Variants in ALKBH8 observed in about 807,000 individuals in gnomAD.
The protein encoded by ALKBH8 is tRNA (carboxymethyluridine(34)-5-O)-methyltransferase ALKBH8.
A neutral mutation model predicts 59.8 loss-of-function variants in ALKBH8; 36 were observed. That is an observed-to-expected ratio of 0.60 (90% CI 0.46 to 0.79). The LOEUF (loss-of-function observed/expected upper bound fraction) is 0.79, where lower values mean the gene tolerates loss of function less well. Among genes scored for constraint, ALKBH8 ranks in the 30% least tolerant of loss-of-function variants. The probability of loss-of-function intolerance (pLI) is 0.00; values close to 1 mark genes in which losing one functional copy is unlikely to be tolerated. For synonymous variants in ALKBH8, 276 were observed against 273.6 expected, an observed-to-expected ratio of 1.01 and a Z score of -0.09; for missense variants, 768 against 801.0, an observed-to-expected ratio of 0.96 and a Z score of 0.50.
intron 7 of ALKBH8, among the ~76,000 whole-genome samples, chr11:107,534,779 T>A (rs12291437): frequency 0.01 from 1,565 of 150,492 alleles, 25 homozygotes; most frequent in African/African-American, 0.034. Flanking sequence ...TCTCAATAGG[T>A]TTTTGGGGAA....
At chr11:107,520,302 G>A (rs1591264232) in intron 10 of ALKBH8, among the ~76,000 whole-genome samples, 3 of 152,182 alleles carry the variant, frequency 2.0e-5, no homozygotes, top group East Asian at 3.9e-4. Flanking sequence ...TGTACGGACT[G>A]CTGCTGATAA....
chr11:107,552,477 T>C (rs958248378), intron 5 of ALKBH8, among the ~76,000 whole-genome samples: 7 of 152,042 alleles, frequency 4.6e-5, no homozygotes, highest in Non-Finnish European at 1.0e-4. Context: ...AATTAGACAC[T>C]TCATTGGGAA....
At chr11:107,542,299 C>G (rs659571) in intron 7 of ALKBH8, among the ~76,000 whole-genome samples, 6 of 152,122 alleles carry the variant, frequency 3.9e-5, no homozygotes, top group Non-Finnish European at 5.9e-5. Context: ...AAGATAAAAG[C>G]AAAAAATCTT....
Position 107,565,592 on chromosome 11 carries a change from GCCACACA to G in ALKBH8, c.-7+2_-7+8del. Reference sequence around the variant, plus strand: ...GCCCGTATGCCCGCCAGTAAGAAGTGCCACACACCTCCGCTTCGGCTCAGGCCGGATT... The same window carrying G: ...GCCCGTATGCCCGCCAGTAAGAAGTGCCTCCGCTTCGGCTCAGGCCGGATT... On this transcript the variant is annotated splice_donor_variant and splice_donor_5th_base_variant and intron_variant, in intron 1 of 11. Coordinates refer to ENST00000428149, the MANE Select transcript of ALKBH8 (RefSeq NM_138775.3). LOFTEE classifies it low-confidence loss of function (5UTR_SPLICE). 6.5e-7 allele frequency: 1 copy of G among 1,535,708 alleles called. No individual in the cohort carries two copies. The highest frequency in any genetic ancestry group is 8.7e-7 in the Non-Finnish European group (1 of 1,146,904).
At chr11:107,532,588 CA>C (rs1052886767) in intron 7 of ALKBH8, among the ~76,000 whole-genome samples, 182 bp from the exon 8 acceptor site, 3 of 151,586 alleles carry the variant, frequency 2.0e-5, no homozygotes, top group East Asian at 1.9e-4. Flanking sequence ...AACTGAATGA[CA>C]AAAAAAAGGT....
At chr11:107,561,776 T>C (rs10749905) in intron 1 of ALKBH8, among the ~76,000 whole-genome samples, 41,714 of 152,080 alleles carry the variant, frequency 0.27, 6,689 homozygotes, top group Non-Finnish European at 0.37. Flanking sequence ...CAGCACATAG[T>C]AGTTGCTCAA....
At chr11:107,522,016 T>G (rs1863132316) in intron 10 of ALKBH8, among the ~76,000 whole-genome samples, 1 of 152,114 alleles carries the variant, frequency 6.6e-6, no homozygotes, top group African/African-American at 2.4e-5. Flanking sequence ...TCTATAAAAA[T>G]CCTTTCTAAT....
intron 2 of ALKBH8, among the ~76,000 whole-genome samples, chr11:107,559,062 A>C (rs190683653): frequency 2.0e-4 from 30 of 152,314 alleles, no homozygotes; most frequent in African/African-American, 7.2e-4. Context: ...GTGGTAGTGA[A>C]TAAGTCTCAT....
intron 9 of ALKBH8, among the ~76,000 whole-genome samples, chr11:107,522,887 T>C (rs1021426395): frequency 1.1e-4 from 16 of 152,074 alleles, no homozygotes; most frequent in Non-Finnish European, 2.4e-4. Context: ...GAATGTAAAT[T>C]AGAATGGTCA....
At chr11:107,525,682 T>A in intron 8 of ALKBH8, 90 bp from the exon 9 acceptor site, 1 of 887,352 alleles carries the variant, frequency 1.1e-6, no homozygotes, top group Non-Finnish European at 1.5e-6. Context: ...AGAGAAAATC[T>A]AGAAGAATTT....
intron 6 of ALKBH8, 103 bp from the exon 7 acceptor site, chr11:107,549,926 G>A (rs531623061): frequency 2.9e-5 from 22 of 771,556 alleles, no homozygotes; most frequent in African/African-American, 1.0e-4. Context: ...AACATTGCTT[G>A]GTAATCAGGA....
In ALKBH8 at chr11:107,553,940, C is replaced by G. The variant is rs568185395; in HGVS notation, c.406G>C (p.Gly136Arg). ...KELRPQALPPGLMVVEEIISS... is the reference protein window; with the variant it reads ...KELRPQALPPRLMVVEEIISS... ...ATTATTTCTTCTACTACCATGAGTC[C>G]TGGTGGTAAGGCTTGAGGCCTCAAC... is the stretch of plus-strand genomic sequence containing the variant. Residue 136 changes from glycine (G) to arginine (R), a missense_variant, in exon 4 of 12, where the codon GGA becomes CGA. Transcript: ENST00000428149. 1 of 1,613,752 alleles carries G rather than the reference C, an allele frequency of 6.2e-7. No individual in the cohort carries two copies. Among genetic ancestry groups the G allele is most frequent in the South Asian group, 1.1e-5 (1 of 91,058 alleles).
intron 10 of ALKBH8, among the ~76,000 whole-genome samples, chr11:107,519,521 A>C (rs1405709921): frequency 6.6e-6 from 1 of 152,246 alleles, no homozygotes; most frequent in African/African-American, 2.4e-5. Flanking sequence ...AAACAGAGGC[A>C]GTAAAGTACA....
At chr11:107,553,254 C>T (rs1018547087) in intron 4 of ALKBH8, 51 bp from the exon 5 acceptor site, 2 of 1,237,572 alleles carry the variant, frequency 1.6e-6, no homozygotes, top group Non-Finnish European at 2.3e-6. Flanking sequence ...AATTACATTC[C>T]TTTGCATATT....
In ALKBH8 at chr11:107,553,110, C is replaced by A; in HGVS notation, c.593G>T (p.Gly198Val). 4 of 1,573,172 alleles carry A rather than the reference C, an allele frequency of 2.5e-6. No homozygotes were observed. Among genetic ancestry groups the A allele is most frequent in the Non-Finnish European group, 3.5e-6 (4 of 1,152,978 alleles). Residue 198 changes from glycine to valine, a missense_variant and splice_region_variant, in exon 5 of 12, where the codon GGG becomes GTG. Physicochemically the swap from Gly to Val is moderately radical, Grantham distance 109 (BLOSUM62 -3). Coordinates refer to ENST00000428149, the MANE Select transcript of ALKBH8 (RefSeq NM_138775.3). Reference protein sequence around the residue: ...NNVDKDKPLSGGLPDICESFL... With the variant: ...NNVDKDKPLSVGLPDICESFL... ...ATTATGTATTAGCAATTACTTACCC[C>A]CAGATAATGGCTTATCTTTATCTAC...
chr11:107,525,351 A>G, intron 9 of ALKBH8, 90 bp downstream of exon 9: 1 of 1,213,428 alleles, frequency 8.2e-7, no homozygotes, highest in Non-Finnish European at 1.1e-6. Flanking sequence ...AGAGATTCAG[A>G]AAAAGCTCTC....
intron 10 of ALKBH8, among the ~76,000 whole-genome samples, chr11:107,522,073 T>C (rs1396277550): frequency 6.6e-6 from 1 of 151,946 alleles, no homozygotes; most frequent in East Asian, 1.9e-4. Context: ...GATAAAATAA[T>C]ATGGTAGAAA....
intron 7 of ALKBH8, among the ~76,000 whole-genome samples, chr11:107,543,635 C>T (rs893581895): frequency 6.6e-6 from 1 of 152,242 alleles, no homozygotes; most frequent in East Asian, 1.9e-4. Flanking sequence ...ATCACTGTGC[C>T]AGTTACCCTT....
At chr11:107,531,637 A>G (rs1863598556) in intron 8 of ALKBH8, among the ~76,000 whole-genome samples, 1 of 152,238 alleles carries the variant, frequency 6.6e-6, no homozygotes, top group African/African-American at 2.4e-5. Flanking sequence ...TAAGAGTATA[A>G]TAAGAGTATT....
Sources: allele counts gnomAD v4.1 joint callset (sites outside exome capture counted in the v4.1 genomes callset), GRCh38; gene constraint gnomAD v4.1.1; transcripts MANE v1.5; gene names NCBI Gene and HGNC (gene_info 2026-07-23, HGNC 2026-07-21).